Variants in KCNH1 observed in about 807,000 individuals in gnomAD.
KCNH1 encodes the protein potassium voltage-gated channel subfamily H member 1.
A neutral mutation model predicts 69.2 loss-of-function variants in KCNH1; 27 were observed. The observed-to-expected ratio is 0.39, with a 90% CI of 0.29 to 0.54. The LOEUF is 0.54. Ranked by LOEUF, KCNH1 falls within the 20% of genes least tolerant of loss-of-function variation. The pLI is 0.68. For synonymous variants in KCNH1, 456 were observed against 487.7 expected, an observed-to-expected ratio of 0.93 and a Z score of 0.86; for missense variants, 798 against 1,261.6, an observed-to-expected ratio of 0.63 and a Z score of 5.57.
At chr1:210,883,615 C>T (rs1686541434) in intron 7 of KCNH1, among the ~76,000 whole-genome samples, 1 of 152,202 alleles carries the variant, frequency 6.6e-6, no homozygotes, top group Non-Finnish European at 1.5e-5. Flanking sequence ...CCCAGCCAGC[C>T]TGGCTTAAAG....
chr1:210,699,659 C>T (rs1338676928), intron 10 of KCNH1, among the ~76,000 whole-genome samples: 1 of 152,218 alleles, frequency 6.6e-6, no homozygotes, highest in Admixed American at 6.5e-5. Flanking sequence ...GCTCCACACC[C>T]CCAACCCTGC....
At chr1:210,735,101 C>T (rs1682840631) in intron 10 of KCNH1, among the ~76,000 whole-genome samples, 1 of 152,236 alleles carries the variant, frequency 6.6e-6, no homozygotes. Flanking sequence ...TTTTGCACCT[C>T]AGGGCTTTGT....
intron 4 of KCNH1, among the ~76,000 whole-genome samples, chr1:211,085,247 G>C (rs921356281): frequency 6.6e-6 from 1 of 152,162 alleles, no homozygotes; most frequent in African/African-American, 2.4e-5. Flanking sequence ...AAGGGCCATG[G>C]TTTATAAGTG....
intron 1 of KCNH1, among the ~76,000 whole-genome samples, chr1:211,112,516 A>AAC (rs1553380936): frequency 1.2e-3 from 169 of 146,800 alleles, no homozygotes; most frequent in Middle Eastern, 7.1e-3. Context: ...AAAAAAAAAA[A>AAC]AAAAAAACAA....
At chr1:210,789,799 A>T in intron 9 of KCNH1, among the ~76,000 whole-genome samples, 1 of 152,252 alleles carries the variant, frequency 6.6e-6, no homozygotes, top group East Asian at 1.9e-4. Flanking sequence ...CATAACTGAG[A>T]TCATATTGCA....
chr1:211,056,479 G>A (rs1479877591), intron 5 of KCNH1, among the ~76,000 whole-genome samples: 1 of 152,166 alleles, frequency 6.6e-6, no homozygotes, highest in Non-Finnish European at 1.5e-5. Flanking sequence ...GCCCTGAAGA[G>A]AAGGAAACAA....
intron 7 of KCNH1, among the ~76,000 whole-genome samples, chr1:210,893,011 C>T (rs115011839): frequency 2.6e-5 from 4 of 151,990 alleles, no homozygotes; most frequent in South Asian, 2.1e-4. Flanking sequence ...TCTAAGGGGT[C>T]GGAGGAAAAG....
chr1:210,894,761 T>C (rs1203443139), intron 7 of KCNH1, among the ~76,000 whole-genome samples: 1 of 152,232 alleles, frequency 6.6e-6, no homozygotes, highest in Non-Finnish European at 1.5e-5. Context: ...TGCCATATTA[T>C]GATGCATCAT....
At chr1:210,774,231 A>G (rs998115468) in intron 10 of KCNH1, among the ~76,000 whole-genome samples, 1 of 152,190 alleles carries the variant, frequency 6.6e-6, no homozygotes, top group Non-Finnish European at 1.5e-5. Flanking sequence ...ATAAGAAGGA[A>G]GCACTCCACT....
At position 210,838,801 on chromosome 1, in the gene KCNH1, CAT is replaced by C. The variant is rs1198675804; in HGVS notation, c.1463-34637_1463-34636del. 3.9e-5 allele frequency among the ~76,000 whole-genome samples: 6 copies of C among 152,264 alleles called. 1 individual carries two copies. Among genetic ancestry groups the C allele is most frequent in the Admixed American group, 1.3e-4 (2 of 15,288 alleles). On this transcript the variant is annotated intron_variant, in intron 7 of 10. Transcript: ENST00000271751. ...AGAAGACATTCATGTGGCCAAAAAA[CAT>C]ATGAAAAAAGCTCAACATCACTAAT...
At chr1:210,933,433 C>T (rs1226963615) in intron 6 of KCNH1, among the ~76,000 whole-genome samples, 1 of 151,812 alleles carries the variant, frequency 6.6e-6, no homozygotes, top group Non-Finnish European at 1.5e-5. Context: ...TTAATGGGTG[C>T]AGCACACCAG....
At chr1:210,696,505 T>G (rs1023146944) in intron 10 of KCNH1, among the ~76,000 whole-genome samples, 1 of 152,100 alleles carries the variant, frequency 6.6e-6, no homozygotes, top group Non-Finnish European at 1.5e-5. Context: ...AGGAGGGCGC[T>G]CCGGTTCAAG....
intron 7 of KCNH1, among the ~76,000 whole-genome samples, chr1:210,847,793 C>G (rs970247776): frequency 1.3e-5 from 2 of 150,458 alleles, no homozygotes; most frequent in Non-Finnish European, 1.5e-5. Context: ...GTTAAATCTA[C>G]AGAATAAAAA....
At chr1:210,779,362 C>G (rs1292302316) in intron 9 of KCNH1, among the ~76,000 whole-genome samples, 2 of 152,190 alleles carry the variant, frequency 1.3e-5, no homozygotes, top group East Asian at 3.8e-4. Flanking sequence ...CAGGACTATT[C>G]TGGCAAATGC....
chr1:211,016,221 A>T (rs1689487703), intron 6 of KCNH1, among the ~76,000 whole-genome samples: 1 of 152,104 alleles, frequency 6.6e-6, no homozygotes, highest in South Asian at 2.1e-4. Flanking sequence ...CAACATGTAC[A>T]GTTGGTTTGG....
intron 6 of KCNH1, among the ~76,000 whole-genome samples, chr1:211,002,326 ATG>A (rs34120096): frequency 0.37 from 50,834 of 137,642 alleles, 9,490 homozygotes; most frequent in Non-Finnish European, 0.41. Flanking sequence ...GTATATATAT[ATG>A]TGTGTGTGTG....
intron 10 of KCNH1, among the ~76,000 whole-genome samples, chr1:210,755,050 A>C (rs892352513): frequency 1.3e-5 from 2 of 152,072 alleles, no homozygotes; most frequent in Non-Finnish European, 2.9e-5. Flanking sequence ...GTCGAAGCTC[A>C]TGCAGTGACA....
chr1:211,111,437 C>A (rs1298143832), intron 1 of KCNH1, among the ~76,000 whole-genome samples: 14 of 148,634 alleles, frequency 9.4e-5, no homozygotes, highest in Non-Finnish European at 1.5e-5. Flanking sequence ...CCCTTTGCCA[C>A]CGTCTGGGAA....
chr1:210,861,933 G>C (rs775875438), intron 7 of KCNH1: 1 of 765,776 alleles, frequency 1.3e-6, no homozygotes, highest in Non-Finnish European at 2.4e-6. Flanking sequence ...AATCACGTTT[G>C]GTGATGTGAT....
Sources: gnomAD v4.1 joint callset for allele counts (sites outside exome capture counted in the v4.1 genomes callset) on GRCh38, gnomAD v4.1.1 for gene constraint, MANE v1.5 for transcripts, NCBI Gene and HGNC (gene_info 2026-07-23, HGNC 2026-07-21) for gene names.